TMEM40: variants seen among roughly 807,000 people sequenced by gnomAD.
The protein encoded by TMEM40 is transmembrane protein 40.
A neutral mutation model predicts 40.8 loss-of-function variants in TMEM40; 34 were observed. That is an observed-to-expected ratio of 0.83 (90% CI 0.63 to 1.11). The LOEUF is 1.11. Among genes scored for constraint, TMEM40 ranks in the 50% least tolerant of loss-of-function variants. The probability of loss-of-function intolerance (pLI) is 0.00; values close to 1 mark genes in which losing one functional copy is unlikely to be tolerated. For missense variants in TMEM40, 296 were observed against 280.2 expected, an observed-to-expected ratio of 1.06 and a Z score of -0.40; for synonymous variants, 106 against 107.0, an observed-to-expected ratio of 0.99 and a Z score of 0.06.
chr3:12,768,545 A>G (rs2061604898), intron 1 of TMEM40, among the ~76,000 whole-genome samples: 1 of 152,106 alleles, frequency 6.6e-6, no homozygotes. Context: ...AGTCCCCACC[A>G]GATTAGCTAG....
intron 1 of TMEM40, among the ~76,000 whole-genome samples, chr3:12,767,048 T>C (rs1175829515): frequency 6.6e-6 from 1 of 152,040 alleles, no homozygotes; most frequent in Non-Finnish European, 1.5e-5. Flanking sequence ...AAAAGGACCC[T>C]ATGTCCAGAA....
At chr3:12,768,209 G>A (rs6442328) in intron 1 of TMEM40, among the ~76,000 whole-genome samples, 7,352 of 152,130 alleles carry the variant, frequency 0.048, 212 homozygotes, top group East Asian at 0.087. Context: ...CAGTGGGTTC[G>A]TGGTCTATGC....
chr3:12,740,866 CAAAA>C (rs1318220033), intron 5 of TMEM40, among the ~76,000 whole-genome samples: 1 of 151,866 alleles, frequency 6.6e-6, no homozygotes, highest in Admixed American at 6.6e-5. Context: ...CCAAAAAAAA[CAAAA>C]AATGAAAAAC....
At chr3:12,762,881 C>T (rs111794343), upstream of TMEM40, among the ~76,000 whole-genome samples, 6,326 of 152,222 alleles carry the variant, frequency 0.042, 157 homozygotes, top group Middle Eastern at 0.065. Context: ...GGTTTAAATG[C>T]AGCTGGGCGC....
intron 10 of TMEM40, 107 bp from the exon 11 acceptor site, chr3:12,735,724 G>C: frequency 3.4e-6 from 3 of 879,280 alleles, no homozygotes; most frequent in Non-Finnish European, 5.4e-6. Context: ...TCTGATGGTG[G>C]AACTTCAGGC....
rs764317274 is a variant in TMEM40, at chr3:12,749,775, T to C, written c.58A>G (p.Thr20Ala). 6.4e-5 allele frequency: 104 copies of C among 1,614,100 alleles called. No homozygotes were observed. The Middle Eastern group carries it at 6.6e-4, about 10-fold the overall frequency. Residue 20 changes from threonine to alanine, a missense_variant, in exon 2 of 12, where the codon ACA becomes GCA. By Grantham distance (58) the Thr-to-Ala change is moderately conservative. Coordinates refer to ENST00000314124, the MANE Select transcript of TMEM40 (RefSeq NM_018306.4). ...PQDNSQVHRE[T>A]EDVDYGETDF... The stretch of plus-strand genomic sequence containing the variant: ...GCAAACGTACAGTCTACATCTTCTG[T>C]TTCTCTGTGGACTTGACTGTTGTCC...
intron 1 of TMEM40, among the ~76,000 whole-genome samples, chr3:12,755,082 C>T (rs1350930553): frequency 1.4e-5 from 2 of 138,844 alleles, no homozygotes; most frequent in Non-Finnish European, 3.1e-5. Flanking sequence ...TTTCTTTCCT[C>T]TCTCTTCCCT....
At chr3:12,758,787 C>G (rs896711874) in intron 1 of TMEM40, among the ~76,000 whole-genome samples, 1 of 152,190 alleles carries the variant, frequency 6.6e-6, no homozygotes, top group African/African-American at 2.4e-5. Context: ...GAACACCCCT[C>G]CCCTCCTAAG....
At chr3:12,742,228 TCAAAA>T (rs1313041752) in intron 5 of TMEM40, among the ~76,000 whole-genome samples, 1 of 152,034 alleles carries the variant, frequency 6.6e-6, no homozygotes, top group Non-Finnish European at 1.5e-5. Context: ...AGACTCCGTC[TCAAAA>T]CAAACAAACA....
intron 1 of TMEM40, among the ~76,000 whole-genome samples, chr3:12,765,566 C>CTT (rs530745103): frequency 4.8e-5 from 6 of 125,710 alleles, no homozygotes; most frequent in African/African-American, 9.0e-5. Context: ...TGTTTGATTA[C>CTT]TTTTTTTTTT....
intron 3 of TMEM40, among the ~76,000 whole-genome samples, chr3:12,745,277 A>G (rs78130807): frequency 0.058 from 8,301 of 143,100 alleles, 583 homozygotes; most frequent in African/African-American, 0.18. Flanking sequence ...CATGTTAGTG[A>G]GGCTGGTCGT....
intron 3 of TMEM40, among the ~76,000 whole-genome samples, chr3:12,745,780 G>A (rs1432019330): frequency 6.6e-6 from 1 of 151,696 alleles, no homozygotes; most frequent in African/African-American, 2.4e-5. Flanking sequence ...AGGTATTATG[G>A]AATATATGCT....
At chr3:12,751,822 G>A (rs1366700161) in intron 1 of TMEM40, among the ~76,000 whole-genome samples, 3 of 151,968 alleles carry the variant, frequency 2.0e-5, no homozygotes, top group East Asian at 3.9e-4. Context: ...GTAGAGCCAC[G>A]TGGGGGAAAG....
chr3:12,768,291 G>GAGCAAAAC (rs2061603723), intron 1 of TMEM40, among the ~76,000 whole-genome samples: 2 of 152,144 alleles, frequency 1.3e-5, no homozygotes, highest in South Asian at 4.1e-4. Context: ...TGGACCCAAA[G>GAGCAAAAC]AGCAAAACAA....
intron 1 of TMEM40, among the ~76,000 whole-genome samples, chr3:12,752,270 T>C (rs1348082330): frequency 1.3e-5 from 2 of 152,170 alleles, no homozygotes; most frequent in Non-Finnish European, 2.9e-5. Context: ...CTTCACTAGA[T>C]CACGAATGCA....
chr3:12,757,554 C>A (rs188147461), intron 1 of TMEM40, among the ~76,000 whole-genome samples: 2 of 152,118 alleles, frequency 1.3e-5, no homozygotes, highest in African/African-American at 2.4e-5. Flanking sequence ...CCCTTCACAC[C>A]CACTAGGGTG....
intron 1 of TMEM40, among the ~76,000 whole-genome samples, chr3:12,768,747 C>T (rs866956529): frequency 5.9e-5 from 9 of 152,100 alleles, no homozygotes; most frequent in Admixed American, 1.3e-4. Context: ...GATCCCGCAC[C>T]GGGGGCCGCA....
intron 7 of TMEM40, 67 bp downstream of exon 7, chr3:12,738,069 G>T: frequency 6.3e-7 from 1 of 1,597,206 alleles, no homozygotes; most frequent in Admixed American, 1.7e-5. Flanking sequence ...CAGGCTGTCT[G>T]AGGACCCAAC....
intron 1 of TMEM40, among the ~76,000 whole-genome samples, chr3:12,755,150 CT>C (rs1405164554): frequency 7.1e-6 from 1 of 141,458 alleles, no homozygotes; most frequent in East Asian, 2.1e-4. Flanking sequence ...CCTTCTCTTT[CT>C]TTCTTTCTCT....
Sources: allele counts gnomAD v4.1 joint callset (sites outside exome capture counted in the v4.1 genomes callset), GRCh38; gene constraint gnomAD v4.1.1; transcripts MANE v1.5; gene names NCBI Gene and HGNC (gene_info 2026-07-23, HGNC 2026-07-21).